Variants in AGMO observed in about 807,000 individuals in gnomAD.
AGMO encodes the protein alkylglycerol monooxygenase, also known as glyceryl-ether monooxygenase.
A neutral mutation model predicts 60.2 loss-of-function variants in AGMO; 75 were observed. The ratio of observed to expected loss-of-function variants is 1.25; its 90% CI spans 1.03 to 1.51. The LOEUF is 1.51. Among genes scored for constraint, AGMO ranks in the 40% most tolerant of loss-of-function variants. The probability of loss-of-function intolerance (pLI) is 0.00; values close to 1 mark genes in which losing one functional copy is unlikely to be tolerated. For missense variants in AGMO, 763 were observed against 525.5 expected (o/e 1.45, Z -4.42); for synonymous variants, 261 against 177.1 (o/e 1.47, Z -3.76).
In AGMO at chr7:15,560,245, C is replaced by T. The variant is rs1785267841; in HGVS notation, c.153G>A (p.Met51Ile). 1 of 1,612,212 alleles carries T rather than the reference C, an allele frequency of 6.2e-7. No individual in the cohort carries two copies. Among genetic ancestry groups the T allele is most frequent in the Non-Finnish European group, 8.5e-7 (1 of 1,178,782 alleles). Residue 51 changes from methionine (M) to isoleucine (I), a missense_variant, in exon 2 of 13, where the codon ATG becomes ATA. Physicochemically the swap from Met to Ile is conservative, Grantham distance 10. Coordinates refer to ENST00000342526, the MANE Select transcript of AGMO (RefSeq NM_001004320.2). ...TCCAGCTGACAACAAGTTCAAGCAG[C>T]ATCAAAGAAATGAAAAATGGAGTTG... Reference protein sequence around the residue: ...KKATPFFISLMLLELVVSWIL... With the variant: ...KKATPFFISLILLELVVSWIL...
At chr7:15,353,976 A>G (rs1782354345) in intron 12 of AGMO, among the ~76,000 whole-genome samples, 1 of 152,248 alleles carries the variant, frequency 6.6e-6, no homozygotes, top group Admixed American at 6.5e-5. Context: ...ACATTTTGGA[A>G]AATTTCATGT....
At chr7:15,255,230 A>G (rs1324395337) in intron 12 of AGMO, among the ~76,000 whole-genome samples, 1 of 152,096 alleles carries the variant, frequency 6.6e-6, no homozygotes, top group Non-Finnish European at 1.5e-5. Context: ...GAGGTTAGGG[A>G]AGGGATAACA....
At chr7:15,402,953 T>C (rs1784592300) in intron 5 of AGMO, among the ~76,000 whole-genome samples, 1 of 151,736 alleles carries the variant, frequency 6.6e-6, no homozygotes, top group African/African-American at 2.4e-5. Flanking sequence ...ACACAAGCAT[T>C]GCCTGAAGGA....
At chr7:15,198,809 T>C (rs1360128785), downstream of AGMO, among the ~76,000 whole-genome samples, 4 of 152,108 alleles carry the variant, frequency 2.6e-5, no homozygotes, top group African/African-American at 2.4e-5. Context: ...AGCTGATCCA[T>C]GGAGTGCAGG....
the AGMO span, among the ~76,000 whole-genome samples, chr7:15,163,751 G>T: frequency 6.7e-6 from 1 of 150,150 alleles, no homozygotes; most frequent in Non-Finnish European, 1.5e-5. Context: ...TTGCATCTAT[G>T]TTCATCTGGG....
At chr7:15,198,088 T>A (rs1781165186), downstream of AGMO, among the ~76,000 whole-genome samples, 1 of 152,094 alleles carries the variant, frequency 6.6e-6, no homozygotes, top group African/African-American at 2.4e-5. Flanking sequence ...TATCTTTTCT[T>A]ATGGTAGATT....
intron 5 of AGMO, among the ~76,000 whole-genome samples, chr7:15,417,837 T>G (rs1209302322): frequency 6.6e-6 from 1 of 152,172 alleles, no homozygotes; most frequent in African/African-American, 2.4e-5. Context: ...CTCTAGTAAC[T>G]TCAAAAGGCT....
intron 3 of AGMO, among the ~76,000 whole-genome samples, chr7:15,474,676 C>T (rs1583590372): frequency 6.6e-6 from 1 of 152,094 alleles, no homozygotes; most frequent in South Asian, 2.1e-4. Flanking sequence ...GCAATGGCAA[C>T]AAAAGCCAAA....
intron 2 of AGMO, among the ~76,000 whole-genome samples, chr7:15,548,835 G>A (rs1583676632): frequency 6.6e-6 from 1 of 152,020 alleles, no homozygotes; most frequent in East Asian, 1.9e-4. Context: ...GATACTCCTC[G>A]AGAAGGGCAA....
chr7:15,237,614 A>T (rs923568559), intron 12 of AGMO, among the ~76,000 whole-genome samples: 1 of 152,226 alleles, frequency 6.6e-6, no homozygotes, highest in Middle Eastern at 3.4e-3. Context: ...TCCTTCTATA[A>T]TAAATCAAGA....
chr7:15,403,867 G>A (rs1784621066), intron 5 of AGMO, among the ~76,000 whole-genome samples: 1 of 151,902 alleles, frequency 6.6e-6, no homozygotes, highest in Non-Finnish European at 1.5e-5. Flanking sequence ...GGCCATATTA[G>A]CCTCTGATTT....
chr7:15,244,112 T>C (rs1782672128), intron 12 of AGMO, among the ~76,000 whole-genome samples: 1 of 152,164 alleles, frequency 6.6e-6, no homozygotes, highest in Non-Finnish European at 1.5e-5. Flanking sequence ...ATGGTGTACA[T>C]ATGTTATTGT....
intron 3 of AGMO, among the ~76,000 whole-genome samples, chr7:15,448,479 G>A (rs1781764818): frequency 6.6e-6 from 1 of 152,060 alleles, no homozygotes; most frequent in East Asian, 1.9e-4. Flanking sequence ...TAAGCCACTT[G>A]GTTTATGGAA....
the AGMO span, among the ~76,000 whole-genome samples, chr7:15,188,659 G>A: frequency 6.6e-6 from 1 of 152,268 alleles, no homozygotes; most frequent in East Asian, 1.9e-4. Flanking sequence ...AGCACTGAAA[G>A]GATTAGAGTA....
chr7:15,169,748 T>C, the AGMO span, among the ~76,000 whole-genome samples: 1 of 152,310 alleles, frequency 6.6e-6, no homozygotes, highest in Admixed American at 6.5e-5. Flanking sequence ...CTGGTGTCTT[T>C]TCTTACACTT....
intron 3 of AGMO, among the ~76,000 whole-genome samples, chr7:15,516,017 A>C (rs1448260764): frequency 6.6e-6 from 1 of 152,192 alleles, no homozygotes; most frequent in Non-Finnish European, 1.5e-5. Context: ...GTGAGGTATG[A>C]TGTAAATTAC....
chr7:15,394,412 T>C (rs1784285897), intron 5 of AGMO, among the ~76,000 whole-genome samples: 3 of 152,184 alleles, frequency 2.0e-5, no homozygotes, highest in East Asian at 3.8e-4. Context: ...GGTTAAGAGC[T>C]AGACGACTTT....
At chr7:15,376,576 A>T (rs1783461225) in intron 10 of AGMO, among the ~76,000 whole-genome samples, 1 of 152,104 alleles carries the variant, frequency 6.6e-6, no homozygotes, top group African/African-American at 2.4e-5. Flanking sequence ...ATCTGTGTTC[A>T]AATGTATCTG....
intron 3 of AGMO, among the ~76,000 whole-genome samples, chr7:15,525,605 G>C (rs1784108110): frequency 6.6e-6 from 1 of 152,064 alleles, no homozygotes; most frequent in African/African-American, 2.4e-5. Context: ...CTTTCAGGGA[G>C]ATCTCATTCT....
Sources: allele counts gnomAD v4.1 joint callset (sites outside exome capture counted in the v4.1 genomes callset), GRCh38; gene constraint gnomAD v4.1.1; transcripts MANE v1.5; gene names NCBI Gene and HGNC (gene_info 2026-07-23, HGNC 2026-07-21).